NOL4L: variants seen among roughly 807,000 people sequenced by gnomAD.
NOL4L encodes the protein nucleolar protein 4 like.
Under a neutral mutation model 64.5 loss-of-function variants are expected in NOL4L, and 7 were observed. The ratio of observed to expected loss-of-function variants is 0.11; its 90% CI spans 0.06 to 0.20. The LOEUF (loss-of-function observed/expected upper bound fraction) is 0.20, where lower values mean the gene tolerates loss of function less well. Ranked by LOEUF, NOL4L falls within the 10% of genes least tolerant of loss-of-function variation. NOL4L has a pLI of 1.00. For synonymous variants in NOL4L, 413 were observed against 401.0 expected (o/e 1.03, Z -0.36); for missense variants, 680 against 967.1 (o/e 0.70, Z 3.94).
In NOL4L at chr20:32,559,073, C is replaced by A. The variant is rs1030479206; in HGVS notation, c.321+25497G>T. On this transcript the variant is annotated intron_variant, in intron 1 of 10. Coordinates refer to ENST00000621426, the MANE Select transcript of NOL4L (RefSeq NM_001256798.2). ...TTGTAGAAGAGAGCTGTAGTGTGGC[C>A]GCAATGCCCAAGATTCCAGATCACC... Among the ~76,000 whole-genome samples, 8 of 152,316 alleles carry A rather than the reference C, an allele frequency of 5.3e-5. No individual in the cohort carries two copies. In the South Asian group the frequency reaches 1.0e-3, roughly 20 times the overall value.
At chr20:32,526,090 T>C (rs1045997077) in intron 2 of NOL4L, among the ~76,000 whole-genome samples, 11 of 152,126 alleles carry the variant, frequency 7.2e-5, no homozygotes, top group Admixed American at 6.5e-4. Context: ...GGGGTCTTGC[T>C]ATGGTGCCCA....
At chr20:32,532,364 C>T in intron 1 of NOL4L, 5 of 985,422 alleles carry the variant, frequency 5.1e-6, no homozygotes, top group Non-Finnish European at 6.0e-6. Context: ...TCCATGTGTG[C>T]TACACCCTAG....
intron 4 of NOL4L, among the ~76,000 whole-genome samples, chr20:32,504,371 TAACACAGTGA>T (rs1394743225): frequency 6.6e-6 from 1 of 151,964 alleles, no homozygotes; most frequent in Non-Finnish European, 1.5e-5. Flanking sequence ...CCATCCTGGC[TAACACAGTGA>T]AACCCTGTCT....
intron 5 of NOL4L, 113 bp downstream of exon 5, chr20:32,474,488 G>T (rs1450806274): frequency 5.3e-6 from 7 of 1,318,848 alleles, no homozygotes; most frequent in Non-Finnish European, 7.0e-6. Flanking sequence ...CCACCCAAAG[G>T]CCTTGGCCCA....
chr20:32,563,932 C>T (rs1338899622), intron 1 of NOL4L, among the ~76,000 whole-genome samples: 2 of 152,242 alleles, frequency 1.3e-5, no homozygotes, highest in African/African-American at 4.8e-5. Flanking sequence ...ATTAGCCAGG[C>T]GGCTCCTGCC....
chr20:32,547,845 C>T (rs564520138), intron 1 of NOL4L, among the ~76,000 whole-genome samples: 34 of 152,196 alleles, frequency 2.2e-4, no homozygotes, highest in Non-Finnish European at 4.3e-4. Context: ...ATTCCAGCCT[C>T]CCTGGCTGCT....
intron 5 of NOL4L, among the ~76,000 whole-genome samples, chr20:32,462,738 C>T (rs1333644654): frequency 6.6e-6 from 1 of 151,776 alleles, no homozygotes; most frequent in African/African-American, 2.4e-5. Context: ...AACCCCATCA[C>T]TACTAAACAT....
chr20:32,503,758 C>T (rs1268882607), intron 4 of NOL4L, among the ~76,000 whole-genome samples: 3 of 152,188 alleles, frequency 2.0e-5, no homozygotes, highest in African/African-American at 4.8e-5. Context: ...CCTCACCTCC[C>T]CAATGGCAGA....
intron 4 of NOL4L, chr20:32,486,834 TC>T (rs896820652): frequency 1.3e-5 from 6 of 460,688 alleles, no homozygotes; most frequent in African/African-American, 1.2e-4. Context: ...AGCCATGTGC[TC>T]CCCCAACATG....
At chr20:32,580,548 T>C (rs935914890) in intron 1 of NOL4L, among the ~76,000 whole-genome samples, 2 of 152,304 alleles carry the variant, frequency 1.3e-5, no homozygotes, top group Middle Eastern at 3.4e-3. Context: ...ATTTGGGTAG[T>C]GGAACACCTG....
intron 1 of NOL4L, among the ~76,000 whole-genome samples, chr20:32,579,426 A>C (rs1415318200): frequency 2.0e-5 from 3 of 152,218 alleles, no homozygotes; most frequent in Admixed American, 6.5e-5. Flanking sequence ...ATCTGGCTTG[A>C]AGAAGCCCAG....
chr20:32,474,751 G>GGA lies in NOL4L; in HGVS notation c.700-11_700-10dup. 6.3e-7 allele frequency: 1 copy of GGA among 1,599,278 alleles called. No homozygotes were observed. The highest frequency in any genetic ancestry group is 2.3e-5 in the East Asian group (1 of 44,344). On this transcript the variant is annotated splice_polypyrimidine_tract_variant and intron_variant, in intron 4 of 10. Coordinates refer to ENST00000621426, the MANE Select transcript of NOL4L (RefSeq NM_001256798.2). ...CTCACAGAAGTCTCATCCTGAGCAG[G>GGA]GACAAAGAAGGTGGGCATTCAGCAG...
chr20:32,476,597 G>A (rs2145486864), intron 4 of NOL4L, among the ~76,000 whole-genome samples: 1 of 152,342 alleles, frequency 6.6e-6, no homozygotes, highest in Non-Finnish European at 1.5e-5. Context: ...AGTTGAAAGT[G>A]CCACCTACTC....
chr20:32,477,763 C>T (rs886332913), intron 4 of NOL4L, among the ~76,000 whole-genome samples: 1 of 152,238 alleles, frequency 6.6e-6, no homozygotes, highest in African/African-American at 2.4e-5. Context: ...CCACCCCACA[C>T]ACAGCCAGGG....
At chr20:32,522,341 T>C (rs1196953378) in intron 2 of NOL4L, among the ~76,000 whole-genome samples, 20 of 152,354 alleles carry the variant, frequency 1.3e-4, no homozygotes, top group African/African-American at 4.8e-4. Context: ...CCTGTCTGAT[T>C]GCCTTCCTCT....
intron 2 of NOL4L, among the ~76,000 whole-genome samples, chr20:32,525,093 G>A (rs1052293757): frequency 6.6e-6 from 1 of 152,220 alleles, no homozygotes; most frequent in Non-Finnish European, 1.5e-5. Flanking sequence ...GCACGCGGCA[G>A]GCATATGGAC....
At position 32,456,211 on chromosome 20, in the gene NOL4L, G is replaced by A. The variant is rs1363563581; in HGVS notation, c.1026C>T (p.Ala342=). 3 of 1,609,104 alleles carry A rather than the reference G, an allele frequency of 1.9e-6. No individual in the cohort carries two copies. The highest frequency in any genetic ancestry group is 4.5e-5 in the East Asian group (2 of 44,410). Reference sequence around the variant, plus strand: ...GGTAGGAGGCTGTGCCAAGTGCCGTGGCCGGCGGGAGCTTGTCACACAGGT... The same window carrying A: ...GGTAGGAGGCTGTGCCAAGTGCCGTAGCCGGCGGGAGCTTGTCACACAGGT... ...PINLCDKLPP[A]TALGTASYPS... Residue 342 remains alanine, a synonymous_variant, in exon 6 of 11, where the codon GCC becomes GCT. Transcript: ENST00000621426.
At chr20:32,481,974 G>GGT (rs1555794883) in intron 4 of NOL4L, among the ~76,000 whole-genome samples, 1 of 148,064 alleles carries the variant, frequency 6.8e-6, no homozygotes, top group Non-Finnish European at 1.5e-5. Context: ...CGGGGGGGGG[G>GGT]GAGCAGGCTG....
intron 4 of NOL4L, 154 bp from the exon 5 acceptor site, chr20:32,474,896 T>G: frequency 1.0e-6 from 1 of 985,230 alleles, no homozygotes; most frequent in Non-Finnish European, 1.2e-6. Flanking sequence ...TGGGTGGTGC[T>G]CCCCCTTGCC....
Sources: allele counts gnomAD v4.1 joint callset (sites outside exome capture counted in the v4.1 genomes callset), GRCh38; gene constraint gnomAD v4.1.1; transcripts MANE v1.5; gene names NCBI Gene and HGNC (gene_info 2026-07-23, HGNC 2026-07-21).